MIB1: variants seen among roughly 807,000 people sequenced by gnomAD.
MIB1 encodes the protein MIB E3 ubiquitin protein ligase 1, also known as E3 ubiquitin-protein ligase MIB1.
MIB1 carries 278 observed loss-of-function variants against 124.5 expected under a neutral mutation model. The observed-to-expected ratio is 2.23, with a 90% CI of 2.02 to 2.47. The LOEUF (loss-of-function observed/expected upper bound fraction) is 2.47, where lower values mean the gene tolerates loss of function less well. Ranked by LOEUF, MIB1 falls within the 30% of genes most tolerant of loss-of-function variation. The probability of loss-of-function intolerance (pLI) is 0.00; values close to 1 mark genes in which losing one functional copy is unlikely to be tolerated. For missense variants in MIB1, 957 were observed against 1,254.4 expected, an observed-to-expected ratio of 0.76 and a Z score of 3.58; for synonymous variants, 446 against 429.4, an observed-to-expected ratio of 1.04 and a Z score of -0.48.
chr18:21,840,845 A>T (rs1443283256), intron 13 of MIB1, among the ~76,000 whole-genome samples: 3 of 151,962 alleles, frequency 2.0e-5, no homozygotes, highest in Non-Finnish European at 4.4e-5. Flanking sequence ...ATAAAACAAA[A>T]AACAAACACA....
chr18:21,856,146 C>T (rs924438137), intron 18 of MIB1, among the ~76,000 whole-genome samples: 26 of 151,080 alleles, frequency 1.7e-4, no homozygotes, highest in Admixed American at 1.4e-3. Flanking sequence ...AGGAGAATGG[C>T]GTGAACCCGG....
At chr18:21,853,017 T>C in intron 17 of MIB1, 123 bp from the exon 18 acceptor site, 2 of 652,932 alleles carry the variant, frequency 3.1e-6, no homozygotes, top group Admixed American at 2.5e-5. Context: ...AAAGTGTGTG[T>C]TAAATTTCTC....
chr18:21,711,526 G>T (rs370064670), intron 1 of MIB1, among the ~76,000 whole-genome samples: 4 of 150,632 alleles, frequency 2.7e-5, no homozygotes, highest in East Asian at 2.0e-4. Context: ...CAAATCATGC[G>T]CCCACCTCGA....
At chr18:21,829,317 G>A in intron 12 of MIB1, 2 of 279,058 alleles carry the variant, frequency 7.2e-6, no homozygotes, top group Non-Finnish European at 1.4e-5. Context: ...ACTTTGTCCT[G>A]GTTTGATTCT....
chr18:21,802,815 T>C (rs762632976), intron 9 of MIB1, among the ~76,000 whole-genome samples: 6 of 152,222 alleles, frequency 3.9e-5, no homozygotes, highest in African/African-American at 1.2e-4. Flanking sequence ...ATTATGGTGA[T>C]TGGGTATGTA....
intron 17 of MIB1, among the ~76,000 whole-genome samples, chr18:21,851,155 A>G (rs1234883964): frequency 6.6e-6 from 1 of 152,098 alleles, no homozygotes; most frequent in African/African-American, 2.4e-5. Context: ...ATTCTTATAA[A>G]AGCTGCAGCT....
chr18:21,785,352 T>C (rs2041422984), intron 6 of MIB1, among the ~76,000 whole-genome samples: 1 of 152,206 alleles, frequency 6.6e-6, no homozygotes, highest in South Asian at 2.1e-4. Flanking sequence ...CTTGTGTTTT[T>C]ATTTCTATGA....
At position 21,785,753 on chromosome 18, in the gene MIB1, C is replaced by T. The variant is rs2041427648; in HGVS notation, c.909-5621C>T. Reference sequence around the variant, plus strand: ...TCTTTCTGCATATTACTATCCTTTTCTTTTAGATTGATGAACTCCCTTTAC... The same window carrying T: ...TCTTTCTGCATATTACTATCCTTTTTTTTTAGATTGATGAACTCCCTTTAC... On this transcript the variant is annotated intron_variant, in intron 6 of 20. Coordinates refer to ENST00000261537, the MANE Select transcript of MIB1 (RefSeq NM_020774.4). 2.6e-5 allele frequency among the ~76,000 whole-genome samples: 4 copies of T among 152,110 alleles called. 1 individual carries two copies. In the South Asian group the frequency reaches 8.3e-4, roughly 32 times the overall value.
intron 1 of MIB1, among the ~76,000 whole-genome samples, chr18:21,733,820 C>T (rs1818874619): frequency 6.6e-6 from 1 of 152,052 alleles, no homozygotes; most frequent in African/African-American, 2.4e-5. Flanking sequence ...ATTCTCCTGC[C>T]TCAGCCTCCT....
At chr18:21,824,926 A>G (rs1043157053) in intron 12 of MIB1, among the ~76,000 whole-genome samples, 5 of 152,058 alleles carry the variant, frequency 3.3e-5, no homozygotes, top group African/African-American at 1.2e-4. Context: ...GAAGGAGAAT[A>G]TTGTGTGTAT....
At chr18:21,839,355 T>C (rs940098346) in intron 13 of MIB1, among the ~76,000 whole-genome samples, 26 of 152,360 alleles carry the variant, frequency 1.7e-4, no homozygotes, top group Non-Finnish European at 2.5e-4. Context: ...AATTCCTTTT[T>C]ATTCAAAAAT....
At chr18:21,786,613 G>A (rs139022449) in intron 6 of MIB1, among the ~76,000 whole-genome samples, 6 of 151,856 alleles carry the variant, frequency 4.0e-5, no homozygotes, top group African/African-American at 9.7e-5. Flanking sequence ...TCTATATCTT[G>A]TAGGCCTTCT....
chr18:21,801,409 A>G (rs2041649377), intron 9 of MIB1, among the ~76,000 whole-genome samples: 1 of 152,156 alleles, frequency 6.6e-6, no homozygotes, highest in African/African-American at 2.4e-5. Context: ...AATGACATTC[A>G]TAGCCATGCT....
At chr18:21,821,364 C>G (rs555012489) in intron 12 of MIB1, among the ~76,000 whole-genome samples, 3 of 152,280 alleles carry the variant, frequency 2.0e-5, no homozygotes, top group Non-Finnish European at 4.4e-5. Context: ...GTCTGTTTAA[C>G]TTTATCTCCT....
chr18:21,797,638 G>T (rs1295955265), intron 7 of MIB1, among the ~76,000 whole-genome samples: 1 of 152,086 alleles, frequency 6.6e-6, no homozygotes, highest in Non-Finnish European at 1.5e-5. Context: ...TCCAAAAAGG[G>T]TTTAAACATA....
At chr18:21,823,079 C>G (rs527958117) in intron 12 of MIB1, among the ~76,000 whole-genome samples, 7 of 151,798 alleles carry the variant, frequency 4.6e-5, no homozygotes, top group Non-Finnish European at 8.8e-5. Flanking sequence ...ACTAAAAATA[C>G]AAAAATCAGC....
intron 12 of MIB1, among the ~76,000 whole-genome samples, chr18:21,821,812 A>G (rs2041881577): frequency 6.6e-6 from 1 of 152,114 alleles, no homozygotes; most frequent in South Asian, 2.1e-4. Flanking sequence ...GACGTTAGCC[A>G]GGATGGTCTC....
chr18:21,857,874 T>C (rs943934664), intron 19 of MIB1, among the ~76,000 whole-genome samples: 1 of 152,228 alleles, frequency 6.6e-6, no homozygotes, highest in African/African-American at 2.4e-5. Flanking sequence ...GGAAGAGCAT[T>C]AGTGTGTAGC....
rs564676684 is a variant in MIB1, at chr18:21,825,159, A to G, written c.1829+5513A>G. 2.6e-3 allele frequency among the ~76,000 whole-genome samples: 399 copies of G among 152,254 alleles called. 7 individuals carry two copies. In the Middle Eastern group the frequency reaches 0.038, roughly 14 times the overall value. ...TTTAAGCCTCTCCACAAGATATTCT[A>G]CAGTTATCATCTTTTTCACCTTACC... On this transcript the variant is annotated intron_variant, in intron 12 of 20. Transcript: ENST00000261537.
Sources: gnomAD v4.1 joint callset for allele counts (sites outside exome capture counted in the v4.1 genomes callset) on GRCh38, gnomAD v4.1.1 for gene constraint, MANE v1.5 for transcripts, NCBI Gene and HGNC (gene_info 2026-07-23, HGNC 2026-07-21) for gene names.